Variants in MGST3 observed in about 807,000 individuals in gnomAD.
MGST3 encodes the protein glutathione S-transferase 3, mitochondrial.
In MGST3, 13 loss-of-function variants were observed where a neutral mutation model predicts 15.8. The ratio of observed to expected loss-of-function variants is 0.82; its 90% CI spans 0.54 to 1.31. The LOEUF (loss-of-function observed/expected upper bound fraction) is 1.31, where lower values mean the gene tolerates loss of function less well. Among genes scored for constraint, MGST3 ranks in the 50% most tolerant of loss-of-function variants. The pLI, the probability that MGST3 is intolerant of heterozygous loss-of-function variation, is 0.00. For missense variants in MGST3, 155 were observed against 192.4 expected (o/e 0.81, Z 1.15); for synonymous variants, 49 against 68.1 (o/e 0.72, Z 1.38).
At chr1:165,637,283 G>C (rs1648138384) in intron 1 of MGST3, 2 of 152,182 alleles carry the variant, frequency 1.3e-5, no homozygotes, top group Non-Finnish European at 2.9e-5. Flanking sequence ...TTTTGTCAAA[G>C]CTGGATTTTA....
chr1:165,647,096 C>G (rs1450751307), intron 1 of MGST3: 1 of 152,218 alleles, frequency 6.6e-6, no homozygotes, highest in African/African-American at 2.4e-5. Flanking sequence ...TTTCCAAGGT[C>G]CTAACTGTTG....
At chr1:165,632,709 A>G (rs376916339) in intron 1 of MGST3, among the ~76,000 whole-genome samples, 250 of 152,256 alleles carry the variant, frequency 1.6e-3, no homozygotes, top group Non-Finnish European at 2.4e-3. Context: ...TCCTTAGATT[A>G]AGGAACAAAA....
At chr1:165,638,916 C>T (rs996524693) in intron 1 of MGST3, among the ~76,000 whole-genome samples, 4 of 152,130 alleles carry the variant, frequency 2.6e-5, no homozygotes, top group Non-Finnish European at 5.9e-5. Flanking sequence ...ATGCTTCCCC[C>T]TAAGATGAGG....
chr1:165,637,959 G>C (rs73028710), intron 1 of MGST3, among the ~76,000 whole-genome samples: 1,668 of 152,160 alleles, frequency 0.011, 40 homozygotes, highest in African/African-American at 0.038. Flanking sequence ...ACGGACGTCA[G>C]AGCCCTGCTG....
intron 5 of MGST3, 80 bp downstream of exon 5, chr1:165,654,431 C>G (rs1648651948): frequency 1.2e-5 from 16 of 1,324,072 alleles, no homozygotes; most frequent in Non-Finnish European, 1.7e-5. Context: ...TGGCTTACAC[C>G]TGTAATCCCA....
intron 1 of MGST3, chr1:165,646,160 C>G (rs956276904): frequency 6.6e-6 from 1 of 152,190 alleles, no homozygotes; most frequent in Admixed American, 6.5e-5. Flanking sequence ...TCCACCCTGT[C>G]CCTGGAAGCT....
In MGST3 at chr1:165,652,108, A is replaced by G. The variant is rs1648577967; in HGVS notation, c.249+73A>G. The G allele has an allele frequency of 2.8e-6, 3 of 1,074,532 alleles. No individual in the cohort carries two copies. The East Asian group carries it at 7.1e-5, about 25-fold the overall frequency. The allele number at this position is 1,074,532 out of a possible 1,614,324, so 66.6% of individuals were successfully genotyped here. A position where few individuals can be genotyped will look rare whatever the true frequency, so the allele number is the denominator to read the frequency against. On this transcript the variant is annotated intron_variant, in intron 4 of 5. Transcript: ENST00000367889. ...GCTATTATCAGGGACAGAAGAAGGA[A>G]ATAAACATTTAATGAATATCTTCAG... is the stretch of plus-strand genomic sequence containing the variant.
At position 165,655,395 on chromosome 1, in the gene MGST3, T is replaced by C. The variant is rs1260797769; in HGVS notation, c.350T>C (p.Leu117Pro). The C allele has an allele frequency of 6.2e-7, 1 of 1,614,076 alleles. No individual in the cohort carries two copies. The highest frequency in any genetic ancestry group is 8.5e-7 in the Non-Finnish European group (1 of 1,179,996). The change falls in exon 6 of 6, where the codon CTG becomes CCG. Residue 117 changes from leucine to proline, a missense_variant. Coordinates refer to ENST00000367889, the MANE Select transcript of MGST3 (RefSeq NM_004528.4). ...GEPSKRSRGALGSIALLGLVG... is the reference protein window; with the variant it reads ...GEPSKRSRGAPGSIALLGLVG... ...CCCAGCAAGCGTAGTCGAGGAGCCCTGGGGTCCATCGCCCTCCTGGGCTTG... is the reference window on the plus strand; with the variant it reads ...CCCAGCAAGCGTAGTCGAGGAGCCCCGGGGTCCATCGCCCTCCTGGGCTTG...
At chr1:165,650,757 G>A (rs9333473) in intron 2 of MGST3, 7,295 of 489,196 alleles carry the variant, frequency 0.015, 446 homozygotes, top group African/African-American at 0.13. Flanking sequence ...GGAGTTTGGC[G>A]CAAAGCTGCC....
chr1:165,651,892 CAA>C (rs58194137), intron 3 of MGST3, 84 bp from the exon 4 acceptor site: 870 of 471,568 alleles, frequency 1.8e-3, no homozygotes, highest in Admixed American at 2.6e-3. Flanking sequence ...CACTCCGTCT[CAA>C]AAAAAAAAAA....
At position 165,655,420 on chromosome 1, in the gene MGST3, G is replaced by A; in HGVS notation, c.375G>A (p.Leu125=). 1 of 1,614,066 alleles carries A rather than the reference G, an allele frequency of 6.2e-7. No individual in the cohort carries two copies. Among genetic ancestry groups the A allele is most frequent in the Non-Finnish European group, 8.5e-7 (1 of 1,179,990 alleles). Residue 125 remains leucine (L), a synonymous_variant, in exon 6 of 6, where the codon TTG becomes TTA. Transcript: ENST00000367889. ...TGGGGTCCATCGCCCTCCTGGGCTTGGTGGGCACAACTGTGTGCTCTGCTT... is the reference window on the plus strand; with the variant it reads ...TGGGGTCCATCGCCCTCCTGGGCTTAGTGGGCACAACTGTGTGCTCTGCTT... The part of the protein sequence containing the change: ...GALGSIALLG[L]VGTTVCSAFQ...
Position 165,655,627 on chromosome 1 carries a change from A to T in MGST3, c.*123A>T. 8.7e-7 allele frequency: 1 copy of T among 1,147,226 alleles called. No homozygotes were observed. Among genetic ancestry groups the T allele is most frequent in the Non-Finnish European group, 1.3e-6 (1 of 796,528 alleles). 71.1% of individuals were successfully genotyped at this position (1,147,226 alleles called of 1,614,324 possible). ...ATCAGCCTCATACCTAAAACTCCTGACTCTTACCACTCATTTCCGTTTGAG... is the reference window on the plus strand; with the variant it reads ...ATCAGCCTCATACCTAAAACTCCTGTCTCTTACCACTCATTTCCGTTTGAG... On this transcript the variant is annotated 3_prime_UTR_variant, in exon 6 of 6. Transcript: ENST00000367889.
chr1:165,631,396 G>C (rs1647938533), intron 1 of MGST3, 103 bp downstream of exon 1: 1 of 152,764 alleles, frequency 6.5e-6, no homozygotes, highest in African/African-American at 2.4e-5. Context: ...GAGCTGAATA[G>C]AGACCCGCTG....
chr1:165,654,861 C>T (rs1489464004), intron 5 of MGST3, among the ~76,000 whole-genome samples: 1 of 152,126 alleles, frequency 6.6e-6, no homozygotes, highest in Non-Finnish European at 1.5e-5. Context: ...ACTCTAAGAA[C>T]TTTGCATATG....
intron 1 of MGST3, chr1:165,631,981 G>T: frequency 2.3e-6 from 1 of 427,834 alleles, no homozygotes; most frequent in Non-Finnish European, 4.2e-6. Context: ...TCTTTATGTG[G>T]GGTGGCAGCA....
At chr1:165,650,731 C>T (rs992730735) in intron 2 of MGST3, 2 of 437,886 alleles carry the variant, frequency 4.6e-6, no homozygotes, top group Non-Finnish European at 8.5e-6. Flanking sequence ...TGATGCTTAA[C>T]GTCAATGAAA....
chr1:165,655,892 C>A lies in MGST3; in HGVS notation c.*388C>A. The A allele has an allele frequency of 4.2e-6, 1 of 238,994 alleles. No individual in the cohort carries two copies. The highest frequency in any genetic ancestry group is 5.2e-5 in the Admixed American group (1 of 19,230). 14.8% of individuals were successfully genotyped at this position (238,994 alleles called of 1,614,324 possible). A position where few individuals can be genotyped will look rare whatever the true frequency, so the allele number is the denominator to read the frequency against. ...CTCCAAGGCCAAAGGAATGCTTGAG[C>A]CTAAAAGTTCAAGACCAGCCTGGGC... is the stretch of plus-strand genomic sequence containing the variant. On this transcript the variant is annotated 3_prime_UTR_variant, in exon 6 of 6. Coordinates refer to ENST00000367889, the MANE Select transcript of MGST3 (RefSeq NM_004528.4).
chr1:165,631,975 T>C (rs948915029), intron 1 of MGST3: 12 of 419,470 alleles, frequency 2.9e-5, no homozygotes, highest in South Asian at 1.1e-4. Context: ...GCCCCTTCTT[T>C]ATGTGGGGTG....
rs942972338 is a variant in MGST3 at position 165,650,790 on chromosome 1, C to T, written c.118-224C>T. ...GCCTCTTTCCCTTGTGCAACTACAG[C>T]GCAGACATACATTCTTATTCCTGGA... On this transcript the variant is annotated intron_variant, in intron 2 of 5. Coordinates refer to ENST00000367889, the MANE Select transcript of MGST3 (RefSeq NM_004528.4). 61 of 557,580 alleles carry T rather than the reference C, an allele frequency of 1.1e-4. No homozygotes were observed. The South Asian group carries it at 1.1e-3, about 10-fold the overall frequency. 34.5% of individuals were successfully genotyped at this position (557,580 alleles called of 1,614,324 possible). A position where few individuals can be genotyped will look rare whatever the true frequency, so the allele number is the denominator to read the frequency against.
Sources: allele counts gnomAD v4.1 joint callset (sites outside exome capture counted in the v4.1 genomes callset), GRCh38; gene constraint gnomAD v4.1.1; transcripts MANE v1.5; gene names NCBI Gene and HGNC (gene_info 2026-07-23, HGNC 2026-07-21).